The following SEM1 variants were observed in gnomAD, a reference collection of about 807,000 sequenced individuals.
SEM1 encodes SEM1 26S proteasome subunit.
Under a neutral mutation model 12.7 loss-of-function variants are expected in SEM1, and 3 were observed. The observed-to-expected ratio is 0.24, with a 90% CI of 0.11 to 0.61. The LOEUF (loss-of-function observed/expected upper bound fraction) is 0.61. Among genes scored for constraint, SEM1 ranks in the 20% least tolerant of loss-of-function variants. The pLI is 0.88. For missense variants in SEM1, 59 were observed against 81.3 expected (o/e 0.73, Z 1.06); for synonymous variants, 30 against 27.8 (o/e 1.08, Z -0.25).
chr7:96,557,261 A>G (rs187314106), intron 2 of SEM1, among the ~76,000 whole-genome samples: 136,893 of 146,134 alleles, frequency 0.94, 64,294 homozygotes, highest in Non-Finnish European at 0.98. Flanking sequence ...GAGGAGGAGA[A>G]GCGCTCTGCT....
chr7:96,583,730 C>T (rs188426896), intron 2 of SEM1, among the ~76,000 whole-genome samples: 3 of 150,810 alleles, frequency 2.0e-5, no homozygotes, highest in Admixed American at 1.4e-4. Flanking sequence ...TATGTAATGG[C>T]CTTCTTTGTC....
intron 1 of SEM1, among the ~76,000 whole-genome samples, chr7:96,699,823 T>G (rs763121870): frequency 6.6e-6 from 1 of 152,194 alleles, no homozygotes; most frequent in Non-Finnish European, 1.5e-5. Flanking sequence ...ATGGTTTAAT[T>G]GGTGGTAGGG....
At chr7:96,628,811 T>C (rs1313699563) in intron 2 of SEM1, among the ~76,000 whole-genome samples, 1 of 152,210 alleles carries the variant, frequency 6.6e-6, no homozygotes, top group African/African-American at 2.4e-5. Flanking sequence ...CCTTTAGCAT[T>C]TGTAGTAGGA....
intron 2 of SEM1, among the ~76,000 whole-genome samples, chr7:96,530,530 C>T (rs1804606959): frequency 6.6e-6 from 1 of 152,036 alleles, no homozygotes; most frequent in Non-Finnish European, 1.5e-5. Flanking sequence ...CAAAAAAGAG[C>T]ACAAGCCCCA....
chr7:96,530,234 G>C, intron 2 of SEM1, among the ~76,000 whole-genome samples: 1 of 152,186 alleles, frequency 6.6e-6, no homozygotes, highest in Non-Finnish European at 1.5e-5. Flanking sequence ...GTGGTGGCAG[G>C]GAAGCAGGAG....
At chr7:96,550,118 A>G (rs1313592373) in intron 2 of SEM1, among the ~76,000 whole-genome samples, 6 of 122,522 alleles carry the variant, frequency 4.9e-5, no homozygotes, top group Non-Finnish European at 1.8e-5. Flanking sequence ...GTTCAGCAAG[A>G]TAGTATAGAA....
At chr7:96,661,632 T>G (rs1789004081) in intron 2 of SEM1, among the ~76,000 whole-genome samples, 1 of 152,132 alleles carries the variant, frequency 6.6e-6, no homozygotes. Flanking sequence ...AATTGACTTT[T>G]ATATGGCAAA....
At chr7:96,612,232 G>T (rs1807562200) in intron 2 of SEM1, among the ~76,000 whole-genome samples, 1 of 152,122 alleles carries the variant, frequency 6.6e-6, no homozygotes, top group African/African-American at 2.4e-5. Context: ...ACATTGCACT[G>T]GGTGACTGTT....
intron 2 of SEM1, among the ~76,000 whole-genome samples, chr7:96,564,648 G>A (rs906993180): frequency 1.3e-5 from 2 of 151,948 alleles, no homozygotes; most frequent in Non-Finnish European, 2.9e-5. Context: ...GGAACCAAAA[G>A]GTGGAAGGGA....
chr7:96,550,965 T>C (rs1027366965), intron 2 of SEM1, among the ~76,000 whole-genome samples: 4 of 152,184 alleles, frequency 2.6e-5, no homozygotes, highest in Non-Finnish European at 5.9e-5. Flanking sequence ...CAGAAACAGG[T>C]ATTAAGCATT....
intron 2 of SEM1, among the ~76,000 whole-genome samples, chr7:96,600,698 G>C (rs541571313): frequency 6.6e-6 from 1 of 152,286 alleles, no homozygotes; most frequent in African/African-American, 2.4e-5. Context: ...ATGACATCCT[G>C]ACAGGTGAGT....
chr7:96,623,403 ATCT>A (rs915496530), intron 2 of SEM1, among the ~76,000 whole-genome samples: 57 of 150,104 alleles, frequency 3.8e-4, no homozygotes, highest in Middle Eastern at 3.5e-3. Context: ...AATGAATAGA[ATCT>A]TCTTCTTTTT....
exon 3 of SEM1, chr7:96,673,673 T>C: frequency 2.8e-6 from 2 of 726,658 alleles, no homozygotes; most frequent in Non-Finnish European, 5.0e-6. Context: ...TCCACATGAC[T>C]AGTGCTCAAT....
chr7:96,688,743 T>A (rs1006320782), downstream of SEM1: 1 of 507,470 alleles, frequency 2.0e-6, no homozygotes, highest in African/African-American at 2.0e-5. Flanking sequence ...AGCAAAAGAT[T>A]AAGACTTCTG....
chr7:96,530,919 A>G (rs985581563), intron 2 of SEM1, among the ~76,000 whole-genome samples: 6 of 152,102 alleles, frequency 3.9e-5, no homozygotes, highest in Non-Finnish European at 7.4e-5. Context: ...CTTAAAGAAC[A>G]TGATCATCAT....
intron 2 of SEM1, among the ~76,000 whole-genome samples, chr7:96,553,292 T>C (rs1805357153): frequency 6.6e-6 from 1 of 151,794 alleles, no homozygotes; most frequent in Non-Finnish European, 1.5e-5. Context: ...TGAATGGTAA[T>C]GCGTAGGTTT....
chr7:96,673,523 A>C (rs898001582), exon 3 of SEM1: 6 of 505,312 alleles, frequency 1.2e-5, no homozygotes, highest in Non-Finnish European at 2.1e-5. Context: ...GAAGTATCAT[A>C]ATCTCTTACT....
chr7:96,651,961 G>GAGC (rs1306335412), intron 2 of SEM1, among the ~76,000 whole-genome samples: 4 of 152,186 alleles, frequency 2.6e-5, no homozygotes, highest in Non-Finnish European at 5.9e-5. Flanking sequence ...CTTTAGAGCA[G>GAGC]AGCAGATGGC....
At chr7:96,541,348 G>A (rs1318750497) in intron 2 of SEM1, among the ~76,000 whole-genome samples, 1 of 150,652 alleles carries the variant, frequency 6.6e-6, no homozygotes, top group Non-Finnish European at 1.5e-5. Flanking sequence ...TAGTGATGCT[G>A]AACGTTTTTT....
Sources: allele counts gnomAD v4.1 joint callset (sites outside exome capture counted in the v4.1 genomes callset), GRCh38; gene constraint gnomAD v4.1.1; transcripts MANE v1.5; gene names NCBI Gene and HGNC (gene_info 2026-07-23, HGNC 2026-07-21).